The following PARD3 variants were observed in gnomAD, a reference collection of about 807,000 sequenced individuals.
The protein encoded by PARD3 is par-3 family cell polarity regulator.
A neutral mutation model predicts 155.4 loss-of-function variants in PARD3; 75 were observed. That is an observed-to-expected ratio of 0.48 (90% CI 0.40 to 0.58). PARD3 has a LOEUF of 0.58. PARD3 is among the 20% of genes least tolerant of loss of function. The pLI is 0.00. For missense variants in PARD3, 1,642 were observed against 1,721.7 expected (o/e 0.95, Z 0.82); for synonymous variants, 576 against 610.5 (o/e 0.94, Z 0.83).
intron 19 of PARD3, among the ~76,000 whole-genome samples, chr10:34,320,656 T>G (rs1209326876): frequency 6.6e-6 from 1 of 152,228 alleles, no homozygotes; most frequent in East Asian, 1.9e-4. Flanking sequence ...TTCTGGTGTA[T>G]GTAACACAAC....
chr10:34,257,950 T>C (rs951851285), intron 22 of PARD3, among the ~76,000 whole-genome samples: 5 of 152,234 alleles, frequency 3.3e-5, no homozygotes, highest in African/African-American at 1.2e-4. Flanking sequence ...GGTGATTGCT[T>C]GTTTTTAACT....
At position 34,284,141 on chromosome 10, in the gene PARD3, T is replaced by G. The variant is rs147436099; in HGVS notation, c.3170A>C (p.Gln1057Pro). Residue 1057 changes from glutamine to proline, a missense_variant, in exon 21 of 25, where the codon CAG (glutamine) becomes CCG (proline). Coordinates refer to ENST00000374788, the MANE Select transcript of PARD3 (RefSeq NM_001184785.2). Reference protein sequence around the residue: ...EEERIRMKQEQERIQAKTREF... With the variant: ...EEERIRMKQEPERIQAKTREF... ...TCAAGTAACTGAAGTCTACCTCTCC[T>G]GCTCCTGCTTCATTCGTATCCTCTC... is the stretch of plus-strand genomic sequence containing the variant. The G allele has an allele frequency of 3.2e-6, 5 of 1,579,570 alleles. No individual in the cohort carries two copies. In the South Asian group the frequency reaches 4.5e-5, roughly 14 times the overall value.
intron 22 of PARD3, among the ~76,000 whole-genome samples, chr10:34,224,765 G>A (rs1314586525): frequency 6.6e-6 from 1 of 152,192 alleles, no homozygotes; most frequent in Admixed American, 6.5e-5. Context: ...GCTGTCATCT[G>A]AGGGTTTCCA....
intron 3 of PARD3, among the ~76,000 whole-genome samples, chr10:34,494,049 C>T (rs996357758): frequency 5.9e-5 from 9 of 152,276 alleles, no homozygotes; most frequent in East Asian, 1.9e-4. Flanking sequence ...TTCAGAGAGC[C>T]GGCTATTAAA....
At chr10:34,261,707 AG>A (rs1399820623) in intron 22 of PARD3, among the ~76,000 whole-genome samples, 68 of 24,734 alleles carry the variant, frequency 2.7e-3, no homozygotes, top group African/African-American at 6.5e-3. Context: ...AAAGGAAGAA[AG>A]GAAGGAAGAA....
chr10:34,366,163 T>C (rs1000670011), intron 12 of PARD3, among the ~76,000 whole-genome samples: 4 of 152,172 alleles, frequency 2.6e-5, no homozygotes, highest in African/African-American at 7.2e-5. Flanking sequence ...GTCCACAACT[T>C]ACAATGTTTC....
At chr10:34,187,339 T>C (rs1459974700) in intron 22 of PARD3, among the ~76,000 whole-genome samples, 4 of 151,824 alleles carry the variant, frequency 2.6e-5, no homozygotes, top group Admixed American at 1.3e-4. Flanking sequence ...TTCCATCTGT[T>C]ATAAACATGT....
intron 1 of PARD3, among the ~76,000 whole-genome samples, chr10:34,721,209 C>A (rs775490092): frequency 2.6e-5 from 4 of 152,194 alleles, no homozygotes; most frequent in Non-Finnish European, 5.9e-5. Context: ...ACGCTCCTTA[C>A]AAAGACCAAC....
At chr10:34,424,674 C>T (rs1048536077) in intron 5 of PARD3, among the ~76,000 whole-genome samples, 2 of 151,966 alleles carry the variant, frequency 1.3e-5, no homozygotes, top group Admixed American at 6.6e-5. Context: ...ACCACCACGC[C>T]GGACTAATTT....
chr10:34,422,699 T>C (rs2075381386), intron 5 of PARD3, among the ~76,000 whole-genome samples: 1 of 152,136 alleles, frequency 6.6e-6, no homozygotes, highest in Non-Finnish European at 1.5e-5. Context: ...AGATTACTAA[T>C]CATCAGGGAA....
chr10:34,387,960 C>A (rs1001905431), intron 7 of PARD3, among the ~76,000 whole-genome samples: 1 of 152,162 alleles, frequency 6.6e-6, no homozygotes, highest in Admixed American at 6.5e-5. Context: ...ATCATAAATA[C>A]ACCACACACG....
chr10:34,605,180 A>ATTTT (rs750688603), intron 2 of PARD3, among the ~76,000 whole-genome samples: 24 of 62,480 alleles, frequency 3.8e-4, no homozygotes, highest in African/African-American at 6.1e-4. Context: ...CCAAAATGAA[A>ATTTT]TTTTTTTTTT....
intron 7 of PARD3, among the ~76,000 whole-genome samples, chr10:34,391,513 GGA>G (rs1842871636): frequency 6.6e-6 from 1 of 152,082 alleles, no homozygotes; most frequent in African/African-American, 2.4e-5. Context: ...TTAGTTGAGG[GGA>G]GAGTGAAGCT....
At chr10:34,363,932 T>G (rs1839707281) in intron 12 of PARD3, among the ~76,000 whole-genome samples, 1 of 152,162 alleles carries the variant, frequency 6.6e-6, no homozygotes, top group East Asian at 1.9e-4. Flanking sequence ...ACCTGCTGAA[T>G]GGGTATTGTG....
chr10:34,197,167 C>A (rs1950985846), intron 22 of PARD3, among the ~76,000 whole-genome samples: 1 of 152,180 alleles, frequency 6.6e-6, no homozygotes, highest in Non-Finnish European at 1.5e-5. Context: ...TGTATGTACA[C>A]ACACTTAGCT....
chr10:34,548,346 A>C (rs115278153), intron 2 of PARD3, among the ~76,000 whole-genome samples: 6,669 of 151,736 alleles, frequency 0.044, 187 homozygotes, highest in Non-Finnish European at 0.053. Flanking sequence ...CACACACACA[A>C]AAAAAAGCCA....
At chr10:34,813,434 T>G (rs1036390925) in intron 1 of PARD3, among the ~76,000 whole-genome samples, 1 of 152,144 alleles carries the variant, frequency 6.6e-6, no homozygotes, top group Non-Finnish European at 1.5e-5. Flanking sequence ...AAATGTCCAT[T>G]TAGATGGTTT....
chr10:34,116,901 C>A (rs1043012627), intron 24 of PARD3, among the ~76,000 whole-genome samples: 1 of 151,704 alleles, frequency 6.6e-6, no homozygotes, highest in African/African-American at 2.4e-5. Context: ...CAGGCGCTTC[C>A]GCAGGGAGAG....
chr10:34,531,361 A>C (rs1005981685), intron 2 of PARD3, among the ~76,000 whole-genome samples: 3 of 152,122 alleles, frequency 2.0e-5, no homozygotes, highest in African/African-American at 7.2e-5. Flanking sequence ...ACATTTTTTT[A>C]AGCCAAGCCT....
Sources: gnomAD v4.1 joint callset for allele counts (sites outside exome capture counted in the v4.1 genomes callset) on GRCh38, gnomAD v4.1.1 for gene constraint, MANE v1.5 for transcripts, NCBI Gene and HGNC (gene_info 2026-07-23, HGNC 2026-07-21) for gene names.